ULK2: variants seen among roughly 807,000 people sequenced by gnomAD.
ULK2 encodes the protein unc-51 like autophagy activating kinase 2.
A neutral mutation model predicts 127.5 loss-of-function variants in ULK2; 76 were observed. That is an observed-to-expected ratio of 0.60 (90% CI 0.50 to 0.72). ULK2 has a LOEUF of 0.72. ULK2 is among the 30% of genes least tolerant of loss of function. The pLI, the probability that ULK2 is intolerant of heterozygous loss-of-function variation, is 0.00. For missense variants in ULK2, 1,144 were observed against 1,295.9 expected (o/e 0.88, Z 1.80); for synonymous variants, 452 against 461.9 (o/e 0.98, Z 0.28).
intron 11 of ULK2, among the ~76,000 whole-genome samples, chr17:19,825,777 C>G (rs765626763): frequency 6.9e-6 from 1 of 144,506 alleles, no homozygotes; most frequent in Non-Finnish European, 1.5e-5. Flanking sequence ...ACCTGAGGTC[C>G]GGAGTTCGAG....
chr17:19,810,671 C>A (rs2087618578), intron 13 of ULK2, among the ~76,000 whole-genome samples: 1 of 152,158 alleles, frequency 6.6e-6, no homozygotes, highest in Non-Finnish European at 1.5e-5. Context: ...AGGTCTTCTT[C>A]AAAATAAAAT....
rs1190161811 is a variant in ULK2 at position 19,801,832 on chromosome 17, T to C, written c.1386A>G (p.Thr462=). 5.6e-6 allele frequency: 9 copies of C among 1,614,114 alleles called. No homozygotes were observed. Among genetic ancestry groups the C allele is most frequent in the Non-Finnish European group, 6.8e-6 (8 of 1,180,042 alleles). The change falls in exon 16 of 27, where the codon ACA becomes ACG. Residue 462 remains threonine (T), a synonymous_variant. Transcript: ENST00000395544. ...ACCCAGTGGAGAGCCTTCGTCCAACTGTCTGTGCTGTGTCTGCTGGTACTG... is the reference window on the plus strand; with the variant it reads ...ACCCAGTGGAGAGCCTTCGTCCAACCGTCTGTGCTGTGTCTGCTGGTACTG... ...CSPVPADTAQ[T]VGRRLSTGSS...
chr17:19,864,189 G>C (rs553351963), intron 3 of ULK2, among the ~76,000 whole-genome samples: 1 of 152,068 alleles, frequency 6.6e-6, no homozygotes, highest in Non-Finnish European at 1.5e-5. Context: ...CTATTTAGGC[G>C]GGGCGCAGTG....
chr17:19,837,764 A>T (rs2041633438), intron 10 of ULK2, among the ~76,000 whole-genome samples: 1 of 152,116 alleles, frequency 6.6e-6, no homozygotes, highest in South Asian at 2.1e-4. Flanking sequence ...CACCTCCACT[A>T]CTATTACCCT....
intron 12 of ULK2, among the ~76,000 whole-genome samples, chr17:19,818,351 GTT>G (rs2041048275): frequency 6.6e-6 from 1 of 150,910 alleles, no homozygotes; most frequent in Non-Finnish European, 1.5e-5. Context: ...AGCTTTCCAT[GTT>G]ATCTAACTTT....
chr17:19,851,645 A>G (rs2042018541), intron 3 of ULK2, among the ~76,000 whole-genome samples: 1 of 151,788 alleles, frequency 6.6e-6, no homozygotes, highest in Non-Finnish European at 1.5e-5. Flanking sequence ...ATCACAAAAT[A>G]AATAAATAAA....
chr17:19,785,999 G>A lies in ULK2; in HGVS notation c.2189C>T (p.Pro730Leu), dbSNP rs2087021907. The change falls in exon 21 of 27, where the codon CCT (proline) becomes CTT (leucine). Residue 730 changes from proline (P) to leucine (L), a missense_variant. Transcript: ENST00000395544. ...AGTGGGGGCTGCCGCACTGTGTGGA[G>A]GAGACCCTACAGTGAAGAGGACAGC... The part of the protein sequence containing the change: ...SKAVLFTVGS[P>L]PHSAAAPTCT... 1.8e-5 allele frequency: 28 copies of A among 1,589,926 alleles called. No individual in the cohort carries two copies. Among genetic ancestry groups the A allele is most frequent in the Non-Finnish European group, 2.4e-5 (28 of 1,171,634 alleles).
chr17:19,849,743 T>C lies in ULK2; in HGVS notation c.257A>G (p.Glu86Gly). The C allele has an allele frequency of 6.5e-7, 1 of 1,527,774 alleles. No homozygotes were observed. The highest frequency in any genetic ancestry group is 1.2e-5 in the South Asian group (1 of 80,284). 94.6% of individuals were successfully genotyped at this position (1,527,774 alleles called of 1,614,324 possible). The change falls in exon 4 of 27, where the codon GAG (glutamate) becomes GGG (glycine). Residue 86 changes from glutamate to glycine, a missense_variant and splice_region_variant. Glu to Gly is a moderately conservative substitution (Grantham distance 98, BLOSUM62 -2). Coordinates refer to ENST00000395544, the MANE Select transcript of ULK2 (RefSeq NM_014683.4). ...AACAGAAGTTTGTATACTACCTACCTCCATCACCAAAAAGACAGAGTTGGG... is the reference window on the plus strand; with the variant it reads ...AACAGAAGTTTGTATACTACCTACCCCCATCACCAAAAAGACAGAGTTGGG... Reference protein sequence around the residue: ...ELPNSVFLVMEYCNGGDLADY... With the variant: ...ELPNSVFLVMGYCNGGDLADY...
At chr17:19,822,609 C>T (rs1291936688) in intron 12 of ULK2, among the ~76,000 whole-genome samples, 4 of 152,006 alleles carry the variant, frequency 2.6e-5, no homozygotes, top group Non-Finnish European at 5.9e-5. Flanking sequence ...CTCAAGTGGT[C>T]CACCCGCCTC....
intron 26 of ULK2, among the ~76,000 whole-genome samples, 170 bp downstream of exon 26, chr17:19,777,411 C>T (rs985210642): frequency 1.3e-5 from 2 of 152,136 alleles, no homozygotes; most frequent in African/African-American, 2.4e-5. Flanking sequence ...GGCCCTACTC[C>T]TATTTTATGA....
rs576770896 is a variant in ULK2 at position 19,785,433 on chromosome 17, G to C, written c.2251+504C>G. 6.6e-5 allele frequency among the ~76,000 whole-genome samples: 10 copies of C among 151,170 alleles called. No homozygotes were observed. The South Asian group carries it at 2.1e-3, about 32-fold the overall frequency. Reference sequence around the variant, plus strand: ...TCACCATGTTGGCCACGCTGGTCTCGAGTTCCTGGCCTCAAGTGATCTGCC... The same window carrying C: ...TCACCATGTTGGCCACGCTGGTCTCCAGTTCCTGGCCTCAAGTGATCTGCC... On this transcript the variant is annotated intron_variant, in intron 21 of 26. Transcript: ENST00000395544.
At chr17:19,854,534 T>G (rs904497809) in intron 3 of ULK2, among the ~76,000 whole-genome samples, 1 of 152,180 alleles carries the variant, frequency 6.6e-6, no homozygotes, top group African/African-American at 2.4e-5. Flanking sequence ...TACAGAAGAC[T>G]TCTTCTGTAG....
At chr17:19,814,036 G>A (rs2040905483) in intron 13 of ULK2, among the ~76,000 whole-genome samples, 1 of 151,940 alleles carries the variant, frequency 6.6e-6, no homozygotes, top group African/African-American at 2.4e-5. Context: ...TTCCCTCCCT[G>A]ACCACACACA....
chr17:19,827,864 C>A (rs1255184591), intron 10 of ULK2, among the ~76,000 whole-genome samples: 3 of 151,810 alleles, frequency 2.0e-5, no homozygotes, highest in Non-Finnish European at 4.4e-5. Context: ...GAGCCGAGAA[C>A]CTGCCATTGC....
chr17:19,787,136 G>A (rs919797279), intron 20 of ULK2, among the ~76,000 whole-genome samples: 1 of 151,846 alleles, frequency 6.6e-6, no homozygotes, highest in African/African-American at 2.4e-5. Flanking sequence ...TTACAGGTGC[G>A]TGCCACCACG....
chr17:19,803,989 C>A (rs1011890810), intron 15 of ULK2, among the ~76,000 whole-genome samples: 1 of 152,162 alleles, frequency 6.6e-6, no homozygotes, highest in Admixed American at 6.5e-5. Context: ...TGATTACGTG[C>A]ATACTTATGT....
chr17:19,801,337 G>T (rs1481714408), intron 16 of ULK2, among the ~76,000 whole-genome samples: 1 of 152,206 alleles, frequency 6.6e-6, no homozygotes, highest in Non-Finnish European at 1.5e-5. Context: ...ACTTTGGAAG[G>T]CCAAGGCGAG....
intron 5 of ULK2, among the ~76,000 whole-genome samples, chr17:19,847,997 G>T (rs2041925422): frequency 6.6e-6 from 1 of 152,086 alleles, no homozygotes; most frequent in Non-Finnish European, 1.5e-5. Flanking sequence ...CCTTCCTCAT[G>T]TATAAAAGTT....
intron 10 of ULK2, among the ~76,000 whole-genome samples, chr17:19,828,076 C>G (rs1006645010): frequency 6.6e-6 from 1 of 152,084 alleles, no homozygotes; most frequent in Non-Finnish European, 1.5e-5. Flanking sequence ...AATTTCCCAT[C>G]AAAAATCTTG....
Sources: gnomAD v4.1 joint callset for allele counts (sites outside exome capture counted in the v4.1 genomes callset) on GRCh38, gnomAD v4.1.1 for gene constraint, MANE v1.5 for transcripts, NCBI Gene and HGNC (gene_info 2026-07-23, HGNC 2026-07-21) for gene names.